Variants in KAZN observed in about 807,000 individuals in gnomAD.
KAZN encodes the protein kazrin.
A neutral mutation model predicts 87.4 loss-of-function variants in KAZN; 40 were observed. The ratio of observed to expected loss-of-function variants is 0.46; its 90% confidence interval spans 0.36 to 0.60. The LOEUF (loss-of-function observed/expected upper bound fraction) is 0.60. Among genes scored for constraint, KAZN ranks in the 20% least tolerant of loss-of-function variants. KAZN has a pLI of 0.00. For missense variants in KAZN, 898 were observed against 1,073.9 expected (o/e 0.84, Z 2.29); for synonymous variants, 466 against 458.3 (o/e 1.02, Z -0.22).
intron 1 of KAZN, among the ~76,000 whole-genome samples, chr1:14,701,618 C>T (rs1380173182): frequency 6.6e-6 from 1 of 152,126 alleles, no homozygotes; most frequent in Non-Finnish European, 1.5e-5. Flanking sequence ...ATGGTAAAAT[C>T]CCATCTCTAC....
intron 1 of KAZN, among the ~76,000 whole-genome samples, chr1:14,136,297 G>A (rs1314840654): frequency 6.6e-6 from 1 of 152,084 alleles, no homozygotes; most frequent in Non-Finnish European, 1.5e-5. Context: ...GTGACCTTGG[G>A]TAAACTATTT....
chr1:14,327,866 A>G (rs1656553423), intron 2 of KAZN, among the ~76,000 whole-genome samples: 1 of 152,238 alleles, frequency 6.6e-6, no homozygotes. Context: ...AATTCTGCCT[A>G]CATGAGAATG....
At position 14,460,901 on chromosome 1, in the gene KAZN, G is replaced by A. The variant is rs74609456; in HGVS notation, c.250-138082G>A. 2.0e-5 allele frequency among the ~76,000 whole-genome samples: 3 copies of A among 152,230 alleles called. No individual in the cohort carries two copies. The East Asian group carries it at 5.8e-4, about 29-fold the overall frequency. ...GGAGTTTATACTCATTTTTCCTTCT[G>A]AGAACTGAGTCTCAGAAATGTGAAA... On this transcript the variant is annotated intron_variant, in intron 2 of 16. Coordinates refer to the KAZN transcript ENST00000636203.
chr1:14,007,262 A>G (rs1284485994), intron 1 of KAZN, among the ~76,000 whole-genome samples: 3 of 152,220 alleles, frequency 2.0e-5, no homozygotes. Context: ...TTTTCCATAT[A>G]TAGGATTATG....
intron 1 of KAZN, among the ~76,000 whole-genome samples, chr1:14,131,251 A>C (rs1284479961): frequency 1.3e-5 from 2 of 152,142 alleles, no homozygotes; most frequent in African/African-American, 4.8e-5. Context: ...CCCTCTCAAC[A>C]CCGGGGATTA....
At chr1:14,981,758 C>T (rs1249530817) in intron 2 of KAZN, among the ~76,000 whole-genome samples, 2 of 152,226 alleles carry the variant, frequency 1.3e-5, no homozygotes, top group East Asian at 3.8e-4. Flanking sequence ...GTATAAGTCA[C>T]GGCCATCCTT....
At chr1:14,221,754 G>T (rs916943679) in intron 2 of KAZN, 1 of 152,092 alleles carries the variant, frequency 6.6e-6, no homozygotes, top group African/African-American at 2.4e-5. Flanking sequence ...AAGAAGACAA[G>T]AATTTTTTAA....
chr1:15,111,922 AAAG>A (rs1426248245), intron 13 of KAZN: 3 of 154,548 alleles, frequency 1.9e-5, no homozygotes, highest in Non-Finnish European at 4.3e-5. Context: ...GCTTTTGCAC[AAAG>A]AAGGGAGTCA....
chr1:13,978,218 C>G (rs761372179), intron 1 of KAZN, among the ~76,000 whole-genome samples: 6 of 150,560 alleles, frequency 4.0e-5, no homozygotes, highest in Non-Finnish European at 4.4e-5. Flanking sequence ...AAGTGTGAAG[C>G]AGTTGCTAGA....
intron 2 of KAZN, among the ~76,000 whole-genome samples, chr1:14,198,862 T>A (rs1027416994): frequency 6.6e-6 from 1 of 152,110 alleles, no homozygotes; most frequent in African/African-American, 2.4e-5. Flanking sequence ...CCAGAGAGGT[T>A]AAATAAGTTA....
chr1:14,334,279 C>T (rs12740170), intron 2 of KAZN, among the ~76,000 whole-genome samples: 9 of 148,438 alleles, frequency 6.1e-5, no homozygotes, highest in African/African-American at 1.5e-4. Flanking sequence ...GCAGGAGAAT[C>T]GCTCAAACCC....
intron 1 of KAZN, among the ~76,000 whole-genome samples, chr1:14,786,092 A>G (rs1645501085): frequency 6.6e-6 from 1 of 152,228 alleles, no homozygotes; most frequent in Non-Finnish European, 1.5e-5. Flanking sequence ...GGTGCTCAGT[A>G]AAAGGGAATT....
Position 15,117,010 on chromosome 1 carries a change from G to A in KAZN, c.*2375G>A, listed in dbSNP as rs566049988. On this transcript the variant is annotated 3_prime_UTR_variant, in exon 15 of 15. Coordinates refer to ENST00000376030, the MANE Select transcript of KAZN (RefSeq NM_201628.3). The stretch of plus-strand genomic sequence containing the variant: ...GGCTCCCCATCCCTGACAGCCAGGT[G>A]AGCATTTGGAGCTGGTTTCTCAACA... The A allele has an allele frequency of 6.6e-6, 1 of 152,340 alleles. No homozygotes were observed. Among genetic ancestry groups the A allele is most frequent in the Admixed American group, 6.5e-5 (1 of 15,300 alleles). The allele number at this position is 152,340 out of a possible 1,614,324, so 9.4% of individuals were successfully genotyped here.
intron 2 of KAZN, among the ~76,000 whole-genome samples, chr1:14,450,461 G>C (rs1033762378): frequency 6.6e-6 from 1 of 152,118 alleles, no homozygotes; most frequent in East Asian, 1.9e-4. Context: ...GTGGTGGCAG[G>C]CACCTGTAAT....
intron 2 of KAZN, among the ~76,000 whole-genome samples, chr1:14,381,120 T>C (rs955764100): frequency 3.3e-5 from 5 of 152,192 alleles, no homozygotes; most frequent in Non-Finnish European, 7.3e-5. Context: ...CACCCAGGTA[T>C]GTATGTGTGT....
rs556021762 is a variant in KAZN at position 14,928,310 on chromosome 1, G to A, written c.227-32374G>A. ...CTAAAAATACAAAAATTAGCCGGGC[G>A]TGTTGGCGGGCGCCTGTAGTCCCAG... On this transcript the variant is annotated intron_variant, in intron 1 of 14. Coordinates refer to ENST00000376030, the MANE Select transcript of KAZN (RefSeq NM_201628.3). 4.6e-5 allele frequency among the ~76,000 whole-genome samples: 7 copies of A among 152,256 alleles called. No homozygotes were observed. The South Asian group carries it at 6.2e-4, about 14-fold the overall frequency.
chr1:14,709,590 G>A (rs910493583), intron 1 of KAZN, among the ~76,000 whole-genome samples: 1 of 152,162 alleles, frequency 6.6e-6, no homozygotes, highest in South Asian at 2.1e-4. Context: ...AAAGCTTTTC[G>A]GTTGGCTCAG....
At chr1:14,336,707 A>G (rs929005113) in intron 2 of KAZN, among the ~76,000 whole-genome samples, 3 of 152,208 alleles carry the variant, frequency 2.0e-5, no homozygotes, top group African/African-American at 7.2e-5. Context: ...CTCATGACTA[A>G]TGATGTTGAC....
At chr1:14,454,341 A>G (rs1667448098) in intron 2 of KAZN, among the ~76,000 whole-genome samples, 1 of 152,238 alleles carries the variant, frequency 6.6e-6, no homozygotes. Context: ...TAACAACCAT[A>G]TATCCATTCA....
Sources: allele counts gnomAD v4.1 joint callset (sites outside exome capture counted in the v4.1 genomes callset), GRCh38; gene constraint gnomAD v4.1.1; transcripts MANE v1.5; gene names NCBI Gene and HGNC (gene_info 2026-07-23, HGNC 2026-07-21).